The following EEIG1 variants were observed in gnomAD, a reference collection of about 807,000 sequenced individuals.
EEIG1 encodes the protein estrogen-induced osteoclastogenesis regulator 1, also known as early estrogen-induced gene 1 protein.
chr9:127,980,100 T>C, the EEIG1 span: 2 of 1,613,654 alleles, frequency 1.2e-6, no homozygotes, highest in Non-Finnish European at 1.7e-6. Context: ...GAAAGTAGTT[T>C]GGAATTTGAA....
chr9:127,951,760 T>C, the EEIG1 span, among the ~76,000 whole-genome samples: 1 of 141,500 alleles, frequency 7.1e-6, no homozygotes, highest in Non-Finnish European at 1.5e-5. Context: ...GAGCTTGTAG[T>C]GAGCCGAGAT....
the EEIG1 span, among the ~76,000 whole-genome samples, chr9:127,979,243 A>G: frequency 6.6e-6 from 1 of 152,008 alleles, no homozygotes; most frequent in African/African-American, 2.4e-5. Context: ...CAAGAGTCAC[A>G]CTCCCATCTG....
At chr9:127,944,826 C>G in the EEIG1 span, 4 of 1,612,240 alleles carry the variant, frequency 2.5e-6, no homozygotes, top group African/African-American at 5.3e-5. Flanking sequence ...CGATCTTCTC[C>G]ACGATGGCAT....
chr9:127,973,562 G>A, the EEIG1 span, among the ~76,000 whole-genome samples: 2 of 152,322 alleles, frequency 1.3e-5, no homozygotes, highest in African/African-American at 2.4e-5. The surrounding 1 kb of genome is among the most constrained non-coding windows in gnomAD (Gnocchi z 4.2). Context: ...TGCCAACAGT[G>A]CAGCCAGCTG....
At chr9:127,971,704 C>A in the EEIG1 span, among the ~76,000 whole-genome samples, 2 of 152,218 alleles carry the variant, frequency 1.3e-5, no homozygotes, top group African/African-American at 4.8e-5. Flanking sequence ...AAGGACTACT[C>A]CTGCCCACGA....
chr9:127,945,734 G>A, the EEIG1 span: 2 of 1,573,508 alleles, frequency 1.3e-6, no homozygotes, highest in Non-Finnish European at 1.7e-6. This position sits in a 1 kb window ranked among gnomAD's most constrained non-coding sequence, Gnocchi z 6.5. Context: ...ACAGGTTCTG[G>A]TCGGGTTCCT....
At chr9:127,972,341 C>T in the EEIG1 span, among the ~76,000 whole-genome samples, 5 of 152,198 alleles carry the variant, frequency 3.3e-5, no homozygotes. The surrounding 1 kb of genome is among the most constrained non-coding windows in gnomAD (Gnocchi z 4.3). Context: ...CCTCTCCCAG[C>T]AGCACCTCAT....
chr9:127,953,595 C>T, the EEIG1 span: 1 of 1,614,166 alleles, frequency 6.2e-7, no homozygotes, highest in Non-Finnish European at 8.5e-7. Flanking sequence ...GCCTTCCCGC[C>T]TTTCAGCTCC....
chr9:127,966,146 A>G, the EEIG1 span, among the ~76,000 whole-genome samples: 1 of 152,234 alleles, frequency 6.6e-6, no homozygotes, highest in Non-Finnish European at 1.5e-5. Flanking sequence ...AGAAACTCCA[A>G]GATGGAAAAG....
the EEIG1 span, chr9:127,945,469 C>A: frequency 3.0e-4 from 472 of 1,565,072 alleles, 6 homozygotes; most frequent in South Asian, 5.2e-3. The surrounding 1 kb of genome is among the most constrained non-coding windows in gnomAD (Gnocchi z 6.5). Context: ...CACGGTCATG[C>A]CAAGGCCCCC....
At chr9:127,956,163 C>G in the EEIG1 span, among the ~76,000 whole-genome samples, 1 of 152,212 alleles carries the variant, frequency 6.6e-6, no homozygotes, top group Non-Finnish European at 1.5e-5. Flanking sequence ...TGAGCCTAGT[C>G]ATGCTGGCTC....
chr9:127,956,228 T>C, the EEIG1 span, among the ~76,000 whole-genome samples: 1 of 152,220 alleles, frequency 6.6e-6, no homozygotes, highest in African/African-American at 2.4e-5. Context: ...TGCCAGGCCC[T>C]GTTCTAGGCA....
At chr9:127,958,877 A>G in the EEIG1 span, among the ~76,000 whole-genome samples, 2 of 152,206 alleles carry the variant, frequency 1.3e-5, no homozygotes, top group Non-Finnish European at 2.9e-5. Context: ...CCAAATAGAC[A>G]TTTCTCCAAA....
At chr9:127,958,532 G>A in the EEIG1 span, among the ~76,000 whole-genome samples, 1 of 151,968 alleles carries the variant, frequency 6.6e-6, no homozygotes, top group African/African-American at 2.4e-5. Flanking sequence ...AGGAGTGGTG[G>A]TGCATGCCTG....
chr9:127,969,187 G>A, the EEIG1 span, among the ~76,000 whole-genome samples: 1 of 152,174 alleles, frequency 6.6e-6, no homozygotes, highest in South Asian at 2.1e-4. Flanking sequence ...CAGGCGGAGT[G>A]GCAATTCTCC....
At chr9:127,976,603 G>A in the EEIG1 span, among the ~76,000 whole-genome samples, 37 of 152,354 alleles carry the variant, frequency 2.4e-4, no homozygotes, top group East Asian at 5.8e-4. This position sits in a 1 kb window ranked among gnomAD's most constrained non-coding sequence, Gnocchi z 4.1. Context: ...GCACAGCAGC[G>A]TGAGGATCGC....
chr9:127,951,632 G>A, the EEIG1 span, among the ~76,000 whole-genome samples: 4 of 151,948 alleles, frequency 2.6e-5, no homozygotes, highest in Admixed American at 1.3e-4. Flanking sequence ...TGGCGAACAC[G>A]GTGAAACCCC....
the EEIG1 span, among the ~76,000 whole-genome samples, chr9:127,946,643 A>C: frequency 6.6e-6 from 1 of 152,220 alleles, no homozygotes; most frequent in Admixed American, 6.5e-5. Context: ...TAGTCCCCAG[A>C]CACATCTCTC....
At chr9:127,953,176 C>G in the EEIG1 span, 4 of 210,108 alleles carry the variant, frequency 1.9e-5, no homozygotes, top group Non-Finnish European at 2.9e-5. Context: ...TCAGTACACA[C>G]AGAGGGTGCT....
Sources: allele counts gnomAD v4.1 joint callset (sites outside exome capture counted in the v4.1 genomes callset), GRCh38; gene constraint gnomAD v4.1.1; non-coding constraint Gnocchi (gnomAD v3.1); transcripts MANE v1.5; gene names NCBI Gene and HGNC (gene_info 2026-07-23, HGNC 2026-07-21).